PRSS16: variants seen among roughly 807,000 people sequenced by gnomAD.
PRSS16 encodes serine protease 16.
In PRSS16, 43 loss-of-function variants were observed where a neutral mutation model predicts 61.7. The observed-to-expected ratio is 0.70, with a 90% confidence interval of 0.55 to 0.90. The LOEUF (loss-of-function observed/expected upper bound fraction) is 0.90. Among genes scored for constraint, PRSS16 ranks in the 40% least tolerant of loss-of-function variants. PRSS16 has a pLI of 0.00. For missense variants in PRSS16, 591 were observed against 659.1 expected (o/e 0.90, Z 1.13); for synonymous variants, 273 against 285.2 (o/e 0.96, Z 0.43).
intron 2 of PRSS16, 94 bp downstream of exon 2, chr6:27,248,142 A>C (rs1761262640): frequency 2.2e-6 from 3 of 1,347,714 alleles, no homozygotes; most frequent in Non-Finnish European, 3.0e-6. Flanking sequence ...CTCTCTCCAC[A>C]CCTCAGTTCT....
In PRSS16 at chr6:27,251,605, G is replaced by A; in HGVS notation, c.718-145G>A. The A allele has an allele frequency of 1.9e-6, 2 of 1,060,418 alleles. No individual in the cohort carries two copies. The highest frequency in any genetic ancestry group is 3.6e-5 in the South Asian group (2 of 55,358). 65.7% of individuals were successfully genotyped at this position (1,060,418 alleles called of 1,614,324 possible). ...GGGGATTGGGGGCGGGGGCCTGGGG[G>A]CGGGGGCCTGGGCCAAGAGCTAGGT... On this transcript the variant is annotated intron_variant, in intron 7 of 11. Transcript: ENST00000230582. This position sits in a 1 kb window ranked among gnomAD's most constrained non-coding sequence, Gnocchi z 5.6.
At chr6:27,249,333 C>CT in intron 4 of PRSS16, 104 bp downstream of exon 4, 3 of 1,395,178 alleles carry the variant, frequency 2.2e-6, no homozygotes, top group Non-Finnish European at 1.9e-6. Flanking sequence ...AAGTCAACCT[C>CT]TGAGTCTCTG....
rs1205847838 is a variant in PRSS16 at position 27,255,096 on chromosome 6, C to G, written c.1441C>G (p.Pro481Ala). 1.2e-6 allele frequency: 2 copies of G among 1,614,198 alleles called. No homozygotes were observed. ...CTGCTTGGACATGGCACCTGAGAGGCCCTCAGACTCCCCCAGCCTCCGCCT... is the reference window on the plus strand; with the variant it reads ...CTGCTTGGACATGGCACCTGAGAGGGCCTCAGACTCCCCCAGCCTCCGCCT... ...SHCLDMAPER[P>A]SDSPSLRLGR... Residue 481 changes from proline (P) to alanine (A), a missense_variant, in exon 11 of 12, where the codon CCC becomes GCC. Coordinates refer to ENST00000230582, the MANE Select transcript of PRSS16 (RefSeq NM_005865.4). The surrounding 1 kb of genome is among the most constrained non-coding windows in gnomAD (Gnocchi z 4.4).
rs767863958 is a variant in PRSS16 at position 27,248,873 on chromosome 6, G to C, written c.264G>C (p.Trp88Cys). The C allele has an allele frequency of 6.2e-7, 1 of 1,612,032 alleles. No homozygotes were observed. The highest frequency in any genetic ancestry group is 8.5e-7 in the Non-Finnish European group (1 of 1,178,912). ...LQRYWVNDQHWVGQDGPIFLH... is the reference protein window; with the variant it reads ...LQRYWVNDQHCVGQDGPIFLH... ...GTTACTGGGTGAATGACCAACATTG[G>C]GTTGGCCAGGATGGACCCATATTCC... The change falls in exon 3 of 12, where the codon TGG (tryptophan) becomes TGC (cysteine). Residue 88 changes from tryptophan (W) to cysteine (C), a missense_variant. Transcript: ENST00000230582.
chr6:27,247,722 C>T lies in PRSS16; in HGVS notation c.-16C>T. ...AGATAAAGGTCCTCCTGGGGGAGAACAGAGTCCCGAACACCATGGCCGTCT... is the reference window on the plus strand; with the variant it reads ...AGATAAAGGTCCTCCTGGGGGAGAATAGAGTCCCGAACACCATGGCCGTCT... On this transcript the variant is annotated 5_prime_UTR_variant, in exon 1 of 12. Coordinates refer to ENST00000230582, the MANE Select transcript of PRSS16 (RefSeq NM_005865.4). The T allele has an allele frequency of 6.4e-7, 1 of 1,558,020 alleles. No homozygotes were observed.
chr6:27,251,756 G>A lies in PRSS16; in HGVS notation c.724G>A (p.Ala242Thr). The A allele has an allele frequency of 1.2e-6, 2 of 1,603,016 alleles. No homozygotes were observed. The highest frequency in any genetic ancestry group is 8.5e-7 in the Non-Finnish European group (1 of 1,178,006). ...TAIGGSLECR[A>T]AVSVAFAEVE... ...CGCCTCTTGCTTCCCACAGTGCCGG[G>A]CGGCGGTGTCCGTCGCCTTCGCTGA... The change falls in exon 8 of 12, where the codon GCG (alanine) becomes ACG (threonine). Residue 242 changes from alanine (A) to threonine (T), a missense_variant. By Grantham distance (58) the Ala-to-Thr change is moderately conservative. Transcript: ENST00000230582. The surrounding 1 kb of genome is among the most constrained non-coding windows in gnomAD (Gnocchi z 5.6).
At position 27,248,044 on chromosome 6, in the gene PRSS16, T is replaced by C; in HGVS notation, c.233T>C (p.Leu78Pro). 1 of 1,613,338 alleles carries C rather than the reference T, an allele frequency of 6.2e-7. No homozygotes were observed. The highest frequency in any genetic ancestry group is 8.5e-7 in the Non-Finnish European group (1 of 1,179,734). The change falls in exon 2 of 12, where the codon CTA (leucine) becomes CCA (proline). Residue 78 changes from leucine (L) to proline (P), a missense_variant. Transcript: ENST00000230582. ...AACGTGTCCGACAGACGATCCTTCC[T>C]ACAGGTGAGGCCGGGAGACGGGGAG... The part of the protein sequence containing the change: ...PFNVSDRRSF[L>P]QRYWVNDQHW...
Position 27,252,858 on chromosome 6 carries a change from G to C in PRSS16, c.1059G>C (p.Glu353Asp), listed in dbSNP as rs1464882811. Reference sequence around the variant, plus strand: ...AGTGTTTAAGCTTTTCCCGAGCAGAGACAGTGGCACAGCTGAGGAGCACAG... The same window carrying C: ...AGTGTTTAAGCTTTTCCCGAGCAGACACAGTGGCACAGCTGAGGAGCACAG... ...GQKCLSFSRA[E>D]TVAQLRSTEP... The change falls in exon 9 of 12, where the codon GAG (glutamate) becomes GAC (aspartate). Residue 353 changes from glutamate to aspartate, a missense_variant. Transcript: ENST00000230582. The surrounding 1 kb of genome is among the most constrained non-coding windows in gnomAD (Gnocchi z 4.2). The C allele has an allele frequency of 2.5e-6, 4 of 1,614,044 alleles. No individual in the cohort carries two copies. The highest frequency in any genetic ancestry group is 3.4e-6 in the Non-Finnish European group (4 of 1,180,050).
chr6:27,250,806 G>A lies in PRSS16; in HGVS notation c.591G>A (p.Lys197=). The change falls in exon 5 of 12, where the codon AAG becomes AAA. Residue 197 remains lysine, a splice_region_variant and synonymous_variant. Coordinates refer to ENST00000230582, the MANE Select transcript of PRSS16 (RefSeq NM_005865.4). ...AGSLAAWARL[K]FPHLIFASVA... ...CCTTGGCCGCCTGGGCCCGGCTGAA[G>A]GTCCTGCGACTCCTCCGGGTGGGCT... 6.2e-7 allele frequency: 1 copy of A among 1,607,334 alleles called. No individual in the cohort carries two copies. The highest frequency in any genetic ancestry group is 8.5e-7 in the Non-Finnish European group (1 of 1,177,146).
chr6:27,249,226 T>C lies in PRSS16; in HGVS notation c.464T>C (p.Leu155Pro). 1 of 1,613,368 alleles carries C rather than the reference T, an allele frequency of 6.2e-7. No individual in the cohort carries two copies. The highest frequency in any genetic ancestry group is 1.1e-5 in the South Asian group (1 of 91,010). The change falls in exon 4 of 12, where the codon CTT becomes CCT. Residue 155 changes from leucine (L) to proline (P), a missense_variant. Physicochemically the swap from Leu to Pro is moderately conservative, Grantham distance 98. Coordinates refer to ENST00000230582, the MANE Select transcript of PRSS16 (RefSeq NM_005865.4). ...CAGCTCCGCTTCTTGTCCAGCCGCCTTGCGTGAGTGGAGGAAGGGAAAGTG... is the reference window on the plus strand; with the variant it reads ...CAGCTCCGCTTCTTGTCCAGCCGCCCTGCGTGAGTGGAGGAAGGGAAAGTG... ...MAQLRFLSSRLALADVVSARL... is the reference protein window; with the variant it reads ...MAQLRFLSSRPALADVVSARL...
In PRSS16 at chr6:27,251,723, G is replaced by A. The variant is rs778734747; in HGVS notation, c.718-27G>A. ...AAGCCGAGGCCCAGCCTAAGTCTTGGCGGACATCGCCTCTTGCTTCCCACA... is the reference window on the plus strand; with the variant it reads ...AAGCCGAGGCCCAGCCTAAGTCTTGACGGACATCGCCTCTTGCTTCCCACA... On this transcript the variant is annotated intron_variant, in intron 7 of 11. Transcript: ENST00000230582. The surrounding 1 kb of genome is among the most constrained non-coding windows in gnomAD (Gnocchi z 5.6). 3 of 1,577,032 alleles carry A rather than the reference G, an allele frequency of 1.9e-6. No individual in the cohort carries two copies. The highest frequency in any genetic ancestry group is 1.7e-6 in the Non-Finnish European group (2 of 1,170,890).
Position 27,251,884 on chromosome 6 carries a change from G to A in PRSS16, c.852G>A (p.Leu284=). 8.1e-6 allele frequency: 13 copies of A among 1,613,440 alleles called. No homozygotes were observed. Among genetic ancestry groups the A allele is most frequent in the Non-Finnish European group, 9.3e-6 (11 of 1,179,818 alleles). ...PLGRAENQAE[L]LGALQALVGG... ...GCCGCGCTGAAAACCAGGCGGAGCTGTTGGGGGCGCTGCAGGCACTGGTGG... is the reference window on the plus strand; with the variant it reads ...GCCGCGCTGAAAACCAGGCGGAGCTATTGGGGGCGCTGCAGGCACTGGTGG... Residue 284 remains leucine, a synonymous_variant, in exon 8 of 12, where the codon CTG becomes CTA. Transcript: ENST00000230582. The surrounding 1 kb of genome is among the most constrained non-coding windows in gnomAD (Gnocchi z 5.6).
chr6:27,250,594 T>C, intron 4 of PRSS16, 89 bp from the exon 5 acceptor site: 1 of 1,498,998 alleles, frequency 6.7e-7, no homozygotes, highest in East Asian at 2.4e-5. Context: ...CACCCATTCA[T>C]GTCTCTGGAT....
chr6:27,255,349 C>T lies in PRSS16; in HGVS notation c.*34C>T. Reference sequence around the variant, plus strand: ...CCCTTTCCACTCCCTGCATGGTCACCTCAGTCCTGGACATACTTGTTCACT... The same window carrying T: ...CCCTTTCCACTCCCTGCATGGTCACTTCAGTCCTGGACATACTTGTTCACT... On this transcript the variant is annotated 3_prime_UTR_variant, in exon 12 of 12. Coordinates refer to ENST00000230582, the MANE Select transcript of PRSS16 (RefSeq NM_005865.4). The surrounding 1 kb of genome is among the most constrained non-coding windows in gnomAD (Gnocchi z 4.4). 1 of 1,566,404 alleles carries T rather than the reference C, an allele frequency of 6.4e-7. No homozygotes were observed. The highest frequency in any genetic ancestry group is 8.7e-7 in the Non-Finnish European group (1 of 1,145,782).
At chr6:27,249,760 T>C (rs904330600) in intron 4 of PRSS16, among the ~76,000 whole-genome samples, 1 of 152,200 alleles carries the variant, frequency 6.6e-6, no homozygotes, top group African/African-American at 2.4e-5. Context: ...CTCTGACCTA[T>C]ACTCTCTCAC....
rs922526695 is a variant in PRSS16 at position 27,250,898 on chromosome 6, CT to C, written c.591+93del. On this transcript the variant is annotated intron_variant, in intron 5 of 11. Coordinates refer to ENST00000230582, the MANE Select transcript of PRSS16 (RefSeq NM_005865.4). ...ATAGGAATACCCTCCCACCACGCCCCTACCTTCCTCCCGCGCCCAAAGAATT... is the reference window on the plus strand; with the variant it reads ...ATAGGAATACCCTCCCACCACGCCCCACCTTCCTCCCGCGCCCAAAGAATT... The C allele has an allele frequency of 4.7e-5, 73 of 1,553,940 alleles. No homozygotes were observed. In the African/African-American group the frequency reaches 9.2e-4, roughly 20 times the overall value.
rs1319411399 is a variant in PRSS16, at chr6:27,250,222, C to T, written c.468-461C>T. 3.9e-5 allele frequency among the ~76,000 whole-genome samples: 6 copies of T among 152,204 alleles called. No homozygotes were observed. In the South Asian group the frequency reaches 6.2e-4, roughly 16 times the overall value. On this transcript the variant is annotated intron_variant, in intron 4 of 11. Coordinates refer to ENST00000230582, the MANE Select transcript of PRSS16 (RefSeq NM_005865.4). ...CAGAAAGGTTAGGGAAGAAAGAAAG[C>T]CCTTGGGAGGAGAAAGAGGATGTTA... is the stretch of plus-strand genomic sequence containing the variant.
chr6:27,255,017 A>T lies in PRSS16; in HGVS notation c.1362A>T (p.Val454=). 6.2e-7 allele frequency: 1 copy of T among 1,613,704 alleles called. No homozygotes were observed. Among genetic ancestry groups the T allele is most frequent in the Non-Finnish European group, 8.5e-7 (1 of 1,179,630 alleles). The change falls in exon 11 of 12, where the codon GTA becomes GTT. Residue 454 remains valine (V), a synonymous_variant. Coordinates refer to ENST00000230582, the MANE Select transcript of PRSS16 (RefSeq NM_005865.4). The surrounding 1 kb of genome is among the most constrained non-coding windows in gnomAD (Gnocchi z 4.4). ...GDTDPWHVLS[V]TQALGSSEST... ...CAGACCCCTGGCATGTGCTAAGTGT[A>T]ACACAGGCTTTAGGATCCTCAGAAT...
rs1759917022 is a variant in PRSS16 at position 27,251,862 on chromosome 6, G to A, written c.830G>A (p.Arg277His). 6.2e-7 allele frequency: 1 copy of A among 1,613,096 alleles called. No homozygotes were observed. The highest frequency in any genetic ancestry group is 1.7e-5 in the Admixed American group (1 of 59,928). Residue 277 changes from arginine (R) to histidine (H), a missense_variant, in exon 8 of 12, where the codon CGC becomes CAC. By Grantham distance (29) the Arg-to-His change is conservative. Coordinates refer to ENST00000230582, the MANE Select transcript of PRSS16 (RefSeq NM_005865.4). The surrounding 1 kb of genome is among the most constrained non-coding windows in gnomAD (Gnocchi z 5.6). Reference protein sequence around the residue: ...TELSACGPLGRAENQAELLGA... With the variant: ...TELSACGPLGHAENQAELLGA... ...CTGAGCGCTTGCGGGCCCCTGGGCC[G>A]CGCTGAAAACCAGGCGGAGCTGTTG...
Sources: allele counts gnomAD v4.1 joint callset (sites outside exome capture counted in the v4.1 genomes callset), GRCh38; gene constraint gnomAD v4.1.1; non-coding constraint Gnocchi (gnomAD v3.1); transcripts MANE v1.5; gene names NCBI Gene and HGNC (gene_info 2026-07-23, HGNC 2026-07-21).